PLPPR5: variants seen among roughly 807,000 people sequenced by gnomAD.
The protein encoded by PLPPR5 is phospholipid phosphatase related 5.
Under a neutral mutation model 33.9 loss-of-function variants are expected in PLPPR5, and 16 were observed. The ratio of observed to expected loss-of-function variants is 0.47; its 90% CI spans 0.32 to 0.72. The LOEUF (loss-of-function observed/expected upper bound fraction) is 0.72. Ranked by LOEUF, PLPPR5 falls within the 30% of genes least tolerant of loss-of-function variation. The pLI is 0.03. For synonymous variants in PLPPR5, 163 were observed against 150.3 expected (o/e 1.08, Z -0.62); for missense variants, 301 against 406.7 (o/e 0.74, Z 2.23).
intron 1 of PLPPR5, among the ~76,000 whole-genome samples, chr1:98,986,534 G>A (rs1177394629): frequency 6.6e-6 from 1 of 151,736 alleles, no homozygotes; most frequent in Non-Finnish European, 1.5e-5. Context: ...AAAGTATAAG[G>A]ATATATTTTT....
At chr1:98,944,375 TC>T (rs1270131958) in intron 3 of PLPPR5, among the ~76,000 whole-genome samples, 1 of 152,202 alleles carries the variant, frequency 6.6e-6, no homozygotes, top group Non-Finnish European at 1.5e-5. Context: ...AATGTGTGTA[TC>T]CCCCTCACAA....
intron 3 of PLPPR5, among the ~76,000 whole-genome samples, chr1:98,925,100 C>T (rs1245061223): frequency 6.6e-6 from 1 of 152,182 alleles, no homozygotes; most frequent in Non-Finnish European, 1.5e-5. Flanking sequence ...GTTATCCTTA[C>T]ATAAAGTCTA....
At chr1:98,914,019 T>C (rs1198894870) in intron 5 of PLPPR5, among the ~76,000 whole-genome samples, 1 of 152,192 alleles carries the variant, frequency 6.6e-6, no homozygotes, top group Non-Finnish European at 1.5e-5. Flanking sequence ...GTTTTCCTGA[T>C]ATCAGACCTT....
intron 1 of PLPPR5, among the ~76,000 whole-genome samples, chr1:98,970,213 G>A (rs1336956581): frequency 6.6e-6 from 1 of 152,042 alleles, no homozygotes; most frequent in Non-Finnish European, 1.5e-5. Context: ...CATTAAAAAT[G>A]TTTGATGAGA....
At position 98,921,944 on chromosome 1, in the gene PLPPR5, G is replaced by A. The variant is rs1183437568; in HGVS notation, c.736C>T (p.Arg246Ter). 2.5e-6 allele frequency: 4 copies of A among 1,613,758 alleles called. No individual in the cohort carries two copies. The highest frequency in any genetic ancestry group is 1.7e-5 in the Admixed American group (1 of 59,980). The change falls in exon 4 of 6, where the codon CGA (arginine) becomes TGA (stop). Residue 246 changes from arginine (R) to a stop codon, truncating the protein, a stop_gained. Transcript: ENST00000263177. LOFTEE classifies it high-confidence loss of function. ...LTGLNRVAEY[R>*]NHWSDVIAGF... Reference sequence around the variant, plus strand: ...GCTATAACATCTGACCAATGATTTCGATATTCTGCTACTCTGTTGAGTCCA... The same window carrying A: ...GCTATAACATCTGACCAATGATTTCAATATTCTGCTACTCTGTTGAGTCCA...
chr1:98,982,977 C>T (rs1652111710), intron 1 of PLPPR5, among the ~76,000 whole-genome samples: 1 of 152,068 alleles, frequency 6.6e-6, no homozygotes, highest in Non-Finnish European at 1.5e-5. Context: ...CGAGAGAGCG[C>T]ATAACCTTTG....
rs180986748 is a variant in PLPPR5, at chr1:98,997,192, C to A, written c.237+7243G>T. The stretch of plus-strand genomic sequence containing the variant: ...TTATCAAGCACTTAGTGCATGTAAA[C>A]ATTTAACTCTTATCAGGTATCAGGT... On this transcript the variant is annotated intron_variant, in intron 1 of 5. Transcript: ENST00000263177. Among the ~76,000 whole-genome samples, 101 of 152,194 alleles carry A rather than the reference C, an allele frequency of 6.6e-4. 1 individual carries two copies. The highest frequency in any genetic ancestry group is 2.4e-3 in the African/African-American group (99 of 41,540).
At chr1:98,960,749 T>A (rs1281795068) in intron 1 of PLPPR5, among the ~76,000 whole-genome samples, 1 of 152,088 alleles carries the variant, frequency 6.6e-6, no homozygotes, top group Non-Finnish European at 1.5e-5. Flanking sequence ...TGTCACTGAG[T>A]CACTGAGAGA....
chr1:98,899,714 G>C (rs915715810), intron 5 of PLPPR5, among the ~76,000 whole-genome samples: 2 of 146,776 alleles, frequency 1.4e-5, no homozygotes, highest in Admixed American at 1.4e-4. Context: ...GCTGTAGTGC[G>C]GTAGTGAGAT....
chr1:98,915,058 C>T (rs1649294982), intron 4 of PLPPR5, 138 bp from the exon 5 acceptor site: 4 of 703,636 alleles, frequency 5.7e-6, no homozygotes, highest in Non-Finnish European at 4.4e-6. Flanking sequence ...GAATTTATAT[C>T]CAGATTTATT....
rs974982133 is a variant in PLPPR5 at position 99,004,765 on chromosome 1, G to A, written c.-94C>T. The A allele has an allele frequency of 6.8e-6, 5 of 733,272 alleles. No individual in the cohort carries two copies. Among genetic ancestry groups the A allele is most frequent in the Non-Finnish European group, 9.3e-6 (5 of 539,982 alleles). 45.4% of individuals were successfully genotyped at this position (733,272 alleles called of 1,614,324 possible). On this transcript the variant is annotated 5_prime_UTR_variant, in exon 1 of 6. Coordinates refer to ENST00000263177, the MANE Select transcript of PLPPR5 (RefSeq NM_001037317.2). ...CGCCGAGGCAGCCACCGGGGGCGCGGCGGCGGAGGCGGCGGGAGGACGAGG... is the reference window on the plus strand; with the variant it reads ...CGCCGAGGCAGCCACCGGGGGCGCGACGGCGGAGGCGGCGGGAGGACGAGG...
intron 3 of PLPPR5, 122 bp downstream of exon 3, chr1:98,952,948 G>T: frequency 8.6e-7 from 1 of 1,162,242 alleles, no homozygotes; most frequent in Non-Finnish European, 1.2e-6. Flanking sequence ...AGATTAAATG[G>T]CCTACAGAAA....
chr1:98,915,015 A>G, intron 4 of PLPPR5, 95 bp from the exon 5 acceptor site: 1 of 1,150,010 alleles, frequency 8.7e-7, no homozygotes, highest in Non-Finnish European at 1.2e-6. Context: ...CATGTAAGAA[A>G]GTATTAAAAT....
intron 1 of PLPPR5, among the ~76,000 whole-genome samples, chr1:98,982,551 T>C (rs1474168269): frequency 6.6e-6 from 1 of 152,136 alleles, no homozygotes; most frequent in African/African-American, 2.4e-5. Context: ...TTCTGCTTTC[T>C]TCGGCCCTTT....
intron 3 of PLPPR5, among the ~76,000 whole-genome samples, chr1:98,924,161 G>A (rs1448489023): frequency 2.0e-5 from 3 of 152,062 alleles, no homozygotes; most frequent in East Asian, 1.9e-4. Context: ...TGCTCTTCAC[G>A]GCAATGTTCT....
At chr1:98,895,386 A>C (rs1310423741) in intron 5 of PLPPR5, among the ~76,000 whole-genome samples, 2 of 152,014 alleles carry the variant, frequency 1.3e-5, no homozygotes, top group East Asian at 3.9e-4. Context: ...TCTGCTCCTC[A>C]TAAATTACCC....
intron 5 of PLPPR5, among the ~76,000 whole-genome samples, chr1:98,904,047 A>G (rs934465974): frequency 6.6e-6 from 1 of 152,168 alleles, no homozygotes; most frequent in South Asian, 2.1e-4. Context: ...GGAATTAAAC[A>G]TGGTAATTTT....
At chr1:98,959,722 T>A (rs2101225316) in intron 1 of PLPPR5, among the ~76,000 whole-genome samples, 1 of 152,260 alleles carries the variant, frequency 6.6e-6, no homozygotes, top group South Asian at 2.1e-4. Context: ...GTTCAACTGA[T>A]AAGATTTTCC....
At chr1:98,963,757 G>C (rs1449795801) in intron 1 of PLPPR5, among the ~76,000 whole-genome samples, 1 of 152,158 alleles carries the variant, frequency 6.6e-6, no homozygotes, top group African/African-American at 2.4e-5. Context: ...ATAGGAGATA[G>C]GGCACAAAGC....
Sources: allele counts gnomAD v4.1 joint callset (sites outside exome capture counted in the v4.1 genomes callset), GRCh38; gene constraint gnomAD v4.1.1; transcripts MANE v1.5; gene names NCBI Gene and HGNC (gene_info 2026-07-23, HGNC 2026-07-21).